Variants in FBRSL1 observed in about 807,000 individuals in gnomAD.
The protein encoded by FBRSL1 is fibrosin like 1.
Under a neutral mutation model 89.6 loss-of-function variants are expected in FBRSL1, and 51 were observed. The ratio of observed to expected loss-of-function variants is 0.57; its 90% confidence interval spans 0.45 to 0.72. The LOEUF (loss-of-function observed/expected upper bound fraction) is 0.72, where lower values mean the gene tolerates loss of function less well. FBRSL1 is among the 30% of genes least tolerant of loss of function. FBRSL1 has a pLI of 0.00. For missense variants in FBRSL1, 1,618 were observed against 1,451.8 expected, an observed-to-expected ratio of 1.11 and a Z score of -1.86; for synonymous variants, 779 against 681.1, an observed-to-expected ratio of 1.14 and a Z score of -2.24.
chr12:132,564,613 A>G (rs1305820772), intron 5 of FBRSL1, among the ~76,000 whole-genome samples: 3 of 128,534 alleles, frequency 2.3e-5, no homozygotes, highest in Non-Finnish European at 4.8e-5. Context: ...CTCCTGCCTC[A>G]GCCTCCCGAG....
intron 2 of FBRSL1, among the ~76,000 whole-genome samples, chr12:132,515,016 A>G (rs569611564): frequency 6.6e-6 from 1 of 152,176 alleles, no homozygotes; most frequent in Admixed American, 6.5e-5. Flanking sequence ...CCCAATAACC[A>G]CAAGGCTGAC....
At chr12:132,559,426 C>A (rs936710722) in intron 5 of FBRSL1, among the ~76,000 whole-genome samples, 1 of 152,222 alleles carries the variant, frequency 6.6e-6, no homozygotes, top group South Asian at 2.1e-4. Flanking sequence ...TTGTCTCGCT[C>A]TGTCACCTAC....
At chr12:132,576,254 A>G (rs7976244) in intron 14 of FBRSL1, among the ~76,000 whole-genome samples, 128,041 of 150,570 alleles carry the variant, frequency 0.85, 54,776 homozygotes, top group East Asian at 0.98. Context: ...GTGCAGTGGC[A>G]TGATCTCGGC....
At position 132,583,223 on chromosome 12, in the gene FBRSL1, C is replaced by A; in HGVS notation, c.2454C>A (p.Arg818=). ...APGDVKVKEE[R]GEDEASEPPA... ...GAGACGTGAAGGTCAAGGAGGAGCGCGGGGAGGACGAGGCCTCCGAGCCCC... is the reference window on the plus strand; with the variant it reads ...GAGACGTGAAGGTCAAGGAGGAGCGAGGGGAGGACGAGGCCTCCGAGCCCC... Residue 818 remains arginine (R), a synonymous_variant, in exon 19 of 19, where the codon CGC becomes CGA. Transcript: ENST00000680143. 2.1e-6 allele frequency: 3 copies of A among 1,405,724 alleles called. No homozygotes were observed. Among genetic ancestry groups the A allele is most frequent in the South Asian group, 1.4e-5 (1 of 72,352 alleles). 87.1% of individuals were successfully genotyped at this position (1,405,724 alleles called of 1,614,324 possible).
intron 6 of FBRSL1, among the ~76,000 whole-genome samples, chr12:132,568,444 G>T (rs935334190): frequency 6.6e-6 from 1 of 152,280 alleles, no homozygotes. Context: ...GGTGTCAGAA[G>T]GGGCGTGCAT....
At chr12:132,568,007 A>G (rs2137815705) in intron 6 of FBRSL1, among the ~76,000 whole-genome samples, 1 of 152,206 alleles carries the variant, frequency 6.6e-6, no homozygotes, top group East Asian at 1.9e-4. Flanking sequence ...GCTATGGGAC[A>G]GGGTGTCTAC....
At position 132,585,103 on chromosome 12, in the gene FBRSL1, C is replaced by T. The variant is rs2138258532; in HGVS notation, c.*1325C>T. 1 of 151,838 alleles carries T rather than the reference C, an allele frequency of 6.6e-6. No individual in the cohort carries two copies. Among genetic ancestry groups the T allele is most frequent in the Admixed American group, 6.5e-5 (1 of 15,276 alleles). The allele number at this position is 151,838 out of a possible 1,614,324, so 9.4% of individuals were successfully genotyped here. A position where few individuals can be genotyped will look rare whatever the true frequency, so the allele number is the denominator to read the frequency against. On this transcript the variant is annotated 3_prime_UTR_variant, in exon 19 of 19. Transcript: ENST00000680143. ...TTTGCTCAGTTCTGTGTTTCAGCCA[C>T]ATTTCCACGGTGGACCCTGTTTGTT...
chr12:132,494,361 G>A (rs1268891334), intron 1 of FBRSL1, among the ~76,000 whole-genome samples: 1 of 152,182 alleles, frequency 6.6e-6, no homozygotes, highest in African/African-American at 2.4e-5. Context: ...GTGTATCCAG[G>A]GCTGTGTCAG....
chr12:132,528,868 C>T (rs1024905906), intron 4 of FBRSL1, among the ~76,000 whole-genome samples: 7 of 152,120 alleles, frequency 4.6e-5, no homozygotes, highest in Admixed American at 1.3e-4. Context: ...GCACATGGCA[C>T]GGTGGAGGGC....
intron 9 of FBRSL1, chr12:132,571,564 G>A (rs1306795350): frequency 7.0e-6 from 9 of 1,288,340 alleles, no homozygotes; most frequent in South Asian, 4.0e-5. Flanking sequence ...GGGGGCGGGC[G>A]TGGGGCGGGG....
chr12:132,582,717 G>T (rs1415761998), intron 18 of FBRSL1, among the ~76,000 whole-genome samples: 1 of 152,122 alleles, frequency 6.6e-6, no homozygotes, highest in Non-Finnish European at 1.5e-5. Context: ...TAACAGGGAG[G>T]GGCCCGTGGG....
At chr12:132,512,946 C>T (rs1012885359) in intron 2 of FBRSL1, among the ~76,000 whole-genome samples, 3 of 152,210 alleles carry the variant, frequency 2.0e-5, no homozygotes, top group Admixed American at 1.3e-4. Flanking sequence ...CACTGGCTTG[C>T]GGTCGGGGTG....
At chr12:132,517,320 G>T (rs1200706311) in intron 2 of FBRSL1, among the ~76,000 whole-genome samples, 1 of 152,240 alleles carries the variant, frequency 6.6e-6, no homozygotes, top group Non-Finnish European at 1.5e-5. Flanking sequence ...GAAGAGGAAG[G>T]CTGAGCACCT....
At position 132,514,486 on chromosome 12, in the gene FBRSL1, G is replaced by T. The variant is rs2034652666; in HGVS notation, c.489+6136G>T. The stretch of plus-strand genomic sequence containing the variant: ...TCCTCCTCCGGCCAGAAGCTGCAGT[G>T]ATAGGGGACATCCCTAGCAGTTCAC... On this transcript the variant is annotated intron_variant, in intron 2 of 18. Coordinates refer to ENST00000680143, the MANE Select transcript of FBRSL1 (RefSeq NM_001367871.1). Among the ~76,000 whole-genome samples, 6 of 152,376 alleles carry T rather than the reference G, an allele frequency of 3.9e-5. No individual in the cohort carries two copies. In the South Asian group the frequency reaches 1.2e-3, roughly 32 times the overall value.
intron 2 of FBRSL1, among the ~76,000 whole-genome samples, chr12:132,513,833 G>C (rs552499848): frequency 9.8e-5 from 15 of 152,328 alleles, no homozygotes; most frequent in African/African-American, 3.6e-4. Flanking sequence ...GTCCTCCCCA[G>C]GTCAGGCCAA....
chr12:132,582,303 C>A, intron 18 of FBRSL1, 37 bp downstream of exon 18: 3 of 1,512,612 alleles, frequency 2.0e-6, no homozygotes, highest in Non-Finnish European at 2.7e-6. Context: ...CCACCACACA[C>A]CCCTACCCCG....
At chr12:132,494,626 C>G (rs1482448581) in intron 1 of FBRSL1, among the ~76,000 whole-genome samples, 2 of 152,264 alleles carry the variant, frequency 1.3e-5, no homozygotes, top group Non-Finnish European at 2.9e-5. Context: ...CACCACCATT[C>G]TGGTTTGGTG....
At chr12:132,531,226 G>A (rs1226752843) in intron 4 of FBRSL1, among the ~76,000 whole-genome samples, 3 of 152,112 alleles carry the variant, frequency 2.0e-5, no homozygotes, top group African/African-American at 7.2e-5. Flanking sequence ...AGCAGGACAG[G>A]ACCCAGGAGC....
chr12:132,509,796 C>T, intron 2 of FBRSL1: 2 of 1,231,472 alleles, frequency 1.6e-6, no homozygotes, highest in Non-Finnish European at 2.0e-6. Context: ...CAGCCGGCCC[C>T]TGTGGTCGCT....
Sources: allele counts gnomAD v4.1 joint callset (sites outside exome capture counted in the v4.1 genomes callset), GRCh38; gene constraint gnomAD v4.1.1; transcripts MANE v1.5; gene names NCBI Gene and HGNC (gene_info 2026-07-23, HGNC 2026-07-21).